Variants in MAML2 observed in about 807,000 individuals in gnomAD.
MAML2 encodes mastermind like transcriptional coactivator 2.
MAML2 carries 22 observed loss-of-function variants against 96.1 expected under a neutral mutation model. The observed-to-expected ratio is 0.23, with a 90% CI of 0.16 to 0.33. The LOEUF (loss-of-function observed/expected upper bound fraction) is 0.33, where lower values mean the gene tolerates loss of function less well. Ranked by LOEUF, MAML2 falls within the 10% of genes least tolerant of loss-of-function variation. The pLI, the probability that MAML2 is intolerant of heterozygous loss-of-function variation, is 1.00. For synonymous variants in MAML2, 561 were observed against 521.3 expected (o/e 1.08, Z -1.04); for missense variants, 1,367 against 1,392.4 (o/e 0.98, Z 0.29).
chr11:96,224,040 A>G (rs12417347), intron 1 of MAML2, among the ~76,000 whole-genome samples: 25,299 of 152,212 alleles, frequency 0.17, 2,237 homozygotes, highest in Non-Finnish European at 0.2. Context: ...TTGGAGTTAG[A>G]CAACCCTAGA....
At chr11:96,230,287 CCT>C (rs1200455439) in intron 1 of MAML2, among the ~76,000 whole-genome samples, 2 of 152,102 alleles carry the variant, frequency 1.3e-5, no homozygotes, top group African/African-American at 4.8e-5. Context: ...TTCATTAATA[CCT>C]CTTTCAAAGA....
intron 1 of MAML2, among the ~76,000 whole-genome samples, chr11:96,108,708 T>C (rs2135829611): frequency 6.6e-6 from 1 of 152,204 alleles, no homozygotes; most frequent in East Asian, 1.9e-4. Context: ...AAAAGAAACT[T>C]CATTTTATAG....
At chr11:96,088,165 G>A (rs1314570640) in intron 2 of MAML2, among the ~76,000 whole-genome samples, 1 of 152,192 alleles carries the variant, frequency 6.6e-6, no homozygotes, top group Non-Finnish European at 1.5e-5. Context: ...AGAGTAGGGT[G>A]AGGTTATTAA....
At chr11:96,095,294 G>C (rs1032195303) in intron 1 of MAML2, among the ~76,000 whole-genome samples, 1 of 152,248 alleles carries the variant, frequency 6.6e-6, no homozygotes, top group Middle Eastern at 3.4e-3. Flanking sequence ...AGCTGAGTGG[G>C]AAAAATCTGC....
At chr11:96,149,068 G>A (rs1860874666) in intron 1 of MAML2, among the ~76,000 whole-genome samples, 1 of 152,078 alleles carries the variant, frequency 6.6e-6, no homozygotes, top group South Asian at 2.1e-4. Flanking sequence ...CTTCCACTGT[G>A]ACATGCAACC....
At chr11:96,028,462 T>C (rs1414856402) in intron 2 of MAML2, among the ~76,000 whole-genome samples, 4 of 152,224 alleles carry the variant, frequency 2.6e-5, no homozygotes, top group East Asian at 1.9e-4. Flanking sequence ...CCCTCTGTCA[T>C]GACACTCATC....
At chr11:96,230,224 T>C (rs1303437321) in intron 1 of MAML2, among the ~76,000 whole-genome samples, 2 of 152,202 alleles carry the variant, frequency 1.3e-5, no homozygotes, top group South Asian at 2.1e-4. Flanking sequence ...AATATGAGTA[T>C]GATGATGACA....
intron 2 of MAML2, among the ~76,000 whole-genome samples, chr11:96,078,428 T>C (rs888651202): frequency 1.3e-5 from 2 of 152,198 alleles, no homozygotes; most frequent in African/African-American, 4.8e-5. Context: ...TTTCTTTAAA[T>C]TGTTCCTACA....
intron 1 of MAML2, among the ~76,000 whole-genome samples, chr11:96,315,871 T>G (rs1180188044): frequency 6.6e-6 from 1 of 152,208 alleles, no homozygotes; most frequent in African/African-American, 2.4e-5. Context: ...TAATGCAACT[T>G]CACAACTAAT....
intron 1 of MAML2, among the ~76,000 whole-genome samples, chr11:96,209,955 T>C (rs988736624): frequency 2.6e-5 from 4 of 152,214 alleles, no homozygotes; most frequent in Non-Finnish European, 5.9e-5. Context: ...TTCAAAATTT[T>C]GATAGAAAAG....
chr11:96,129,135 G>C (rs2135853993), intron 1 of MAML2, among the ~76,000 whole-genome samples: 1 of 152,236 alleles, frequency 6.6e-6, no homozygotes, highest in Non-Finnish European at 1.5e-5. Flanking sequence ...GGTGCTCAGG[G>C]CAGCCGTTAT....
intron 1 of MAML2, among the ~76,000 whole-genome samples, chr11:96,187,835 T>C (rs4572098): frequency 0.14 from 21,354 of 151,712 alleles, 1,586 homozygotes; most frequent in East Asian, 0.19. Context: ...TGTTTAGGAA[T>C]GTCCACCTAT....
intron 2 of MAML2, among the ~76,000 whole-genome samples, chr11:96,079,516 T>C (rs1859499230): frequency 6.6e-6 from 1 of 152,140 alleles, no homozygotes; most frequent in Non-Finnish European, 1.5e-5. Context: ...AGCAAATTAC[T>C]AAGCCACTCC....
At chr11:96,080,353 AGAGTGAGGGAAAAGGG>A (rs1337557956) in intron 2 of MAML2, among the ~76,000 whole-genome samples, 1 of 152,236 alleles carries the variant, frequency 6.6e-6, no homozygotes, top group Non-Finnish European at 1.5e-5. Flanking sequence ...GAGACTGAAA[AGAGTGAGGGAAAAGGG>A]GCCAGGGAAT....
At chr11:96,285,447 T>C (rs997386225) in intron 1 of MAML2, among the ~76,000 whole-genome samples, 2 of 151,996 alleles carry the variant, frequency 1.3e-5, no homozygotes, top group Non-Finnish European at 2.9e-5. Context: ...CCGGAAGCAA[T>C]TGCAAAAAAA....
chr11:96,230,981 G>T (rs1267578896), intron 1 of MAML2, among the ~76,000 whole-genome samples: 1 of 152,226 alleles, frequency 6.6e-6, no homozygotes, highest in South Asian at 2.1e-4. Context: ...TCAGGAAATA[G>T]TGAAAGATAT....
chr11:96,225,708 C>CT (rs1862200885), intron 1 of MAML2, among the ~76,000 whole-genome samples: 1 of 152,004 alleles, frequency 6.6e-6, no homozygotes, highest in African/African-American at 2.4e-5. Context: ...TGGCGGATAC[C>CT]TGTAGTCCCA....
In MAML2 at chr11:96,045,902, G is replaced by GTTT. The variant is rs60206394; in HGVS notation, c.2139+45987_2139+45989dup. On this transcript the variant is annotated intron_variant, in intron 2 of 4. Transcript: ENST00000524717. ...TTTTTCTCCCAGTCAGCACACTTCT[G>GTTT]TTTTTTTTTTTTTTTTCCCCCATTC... Among the ~76,000 whole-genome samples, 911 of 136,024 alleles carry GTTT rather than the reference G, an allele frequency of 6.7e-3. 13 individuals are homozygous for GTTT. The highest frequency in any genetic ancestry group is 0.021 in the African/African-American group (758 of 36,874). 89.2% of individuals were successfully genotyped at this position (136,024 alleles called of 152,430 possible).
intron 1 of MAML2, among the ~76,000 whole-genome samples, chr11:96,185,566 G>C (rs1460254643): frequency 6.6e-6 from 1 of 152,190 alleles, no homozygotes; most frequent in African/African-American, 2.4e-5. Context: ...ATTGCTACTA[G>C]TTTGGGGTCT....
Sources: gnomAD v4.1 joint callset for allele counts (sites outside exome capture counted in the v4.1 genomes callset) on GRCh38, gnomAD v4.1.1 for gene constraint, MANE v1.5 for transcripts, NCBI Gene and HGNC (gene_info 2026-07-23, HGNC 2026-07-21) for gene names.